NPAT: variants seen among roughly 807,000 people sequenced by gnomAD.
NPAT encodes the protein protein NPAT.
Under a neutral mutation model 130.7 loss-of-function variants are expected in NPAT, and 52 were observed. The ratio of observed to expected loss-of-function variants is 0.40; its 90% CI spans 0.32 to 0.50. The LOEUF (loss-of-function observed/expected upper bound fraction) is 0.50, where lower values mean the gene tolerates loss of function less well. Ranked by LOEUF, NPAT falls within the 20% of genes least tolerant of loss-of-function variation. The pLI, the probability that NPAT is intolerant of heterozygous loss-of-function variation, is 0.68. For synonymous variants in NPAT, 580 were observed against 584.8 expected, an observed-to-expected ratio of 0.99 and a Z score of 0.12; for missense variants, 1,687 against 1,662.6, an observed-to-expected ratio of 1.01 and a Z score of -0.26.
chr11:108,217,845 T>C (rs1004067214), intron 1 of NPAT, among the ~76,000 whole-genome samples: 3 of 152,016 alleles, frequency 2.0e-5, no homozygotes, highest in African/African-American at 4.8e-5. Flanking sequence ...ATACAAAAAT[T>C]AGCCGGGCGT....
intron 1 of NPAT, among the ~76,000 whole-genome samples, chr11:108,198,698 T>C (rs1046014263): frequency 6.6e-6 from 1 of 152,088 alleles, no homozygotes; most frequent in Non-Finnish European, 1.5e-5. Flanking sequence ...TCTGAGCCCA[T>C]AAAAACCTCC....
intron 1 of NPAT, among the ~76,000 whole-genome samples, chr11:108,213,412 T>C (rs2078403100): frequency 6.6e-6 from 1 of 152,150 alleles, no homozygotes; most frequent in Admixed American, 6.5e-5. Context: ...CTAGTTACAA[T>C]AGCATCAAAA....
At position 108,172,777 on chromosome 11, in the gene NPAT, T is replaced by C. The variant is rs538701061; in HGVS notation, c.2207A>G (p.Asn736Ser). 22 of 1,613,718 alleles carry C rather than the reference T, an allele frequency of 1.4e-5. No individual in the cohort carries two copies. The highest frequency in any genetic ancestry group is 2.7e-5 in the African/African-American group (2 of 75,052). ...SNNSAEIDAS[N>S]IVSLKVIISD... ...AATGATAACTTTGAGAGAGACGATA[T>C]TTGATGCATCTATCTCTGCTGAGTT... The change falls in exon 13 of 18, where the codon AAT becomes AGT. Residue 736 changes from asparagine (N) to serine (S), a missense_variant. Physicochemically the swap from Asn to Ser is conservative, Grantham distance 46. Around this residue, in one of 3 missense-constraint regions of NPAT, gnomAD observed 1,379 missense variants for 1,346.6 expected, o/e 1.02. Transcript: ENST00000278612.
In NPAT at chr11:108,169,939, G is replaced by T. The variant is rs780855464; in HGVS notation, c.2890C>A (p.Pro964Thr). The change falls in exon 14 of 18, where the codon CCT (proline) becomes ACT (threonine). Residue 964 changes from proline to threonine, a missense_variant. This residue lies in a region of NPAT where 1,379 missense variants were observed against 1,346.6 expected (regional missense o/e 1.02). Transcript: ENST00000278612. The stretch of plus-strand genomic sequence containing the variant: ...TTCATAAATCTTACCTGCCGAGGAG[G>T]AGTAGAAAAGTTATTTCCATTCTGT... ...VGQNGNNFST[P>T]PRQVLHMPLT... 1 of 1,613,000 alleles carries T rather than the reference G, an allele frequency of 6.2e-7. No homozygotes were observed.
At chr11:108,221,033 G>A (rs1332154202) in intron 1 of NPAT, among the ~76,000 whole-genome samples, 1 of 152,224 alleles carries the variant, frequency 6.6e-6, no homozygotes, top group Non-Finnish European at 1.5e-5. Flanking sequence ...CAGAGTAGCT[G>A]GTTTGTGGAG....
At chr11:108,204,150 T>C (rs2078302177) in intron 1 of NPAT, among the ~76,000 whole-genome samples, 1 of 152,140 alleles carries the variant, frequency 6.6e-6, no homozygotes. Flanking sequence ...GGAGGATTGA[T>C]AGCAGCAAGA....
chr11:108,169,731 T>C lies in NPAT; in HGVS notation c.3010+13A>G. Reference sequence around the variant, plus strand: ...AAACATAAAGTTAACATTAATGAAATTAAAAATGGTACCTATACAAGGCTT... The same window carrying C: ...AAACATAAAGTTAACATTAATGAAACTAAAAATGGTACCTATACAAGGCTT... On this transcript the variant is annotated intron_variant, in intron 15 of 17. Coordinates refer to ENST00000278612, the MANE Select transcript of NPAT (RefSeq NM_002519.3). The C allele has an allele frequency of 5.2e-6, 8 of 1,541,414 alleles. No individual in the cohort carries two copies. Among genetic ancestry groups the C allele is most frequent in the Non-Finnish European group, 7.2e-6 (8 of 1,113,624 alleles).
chr11:108,167,587 C>T (rs1483544241), intron 15 of NPAT, among the ~76,000 whole-genome samples: 6 of 152,114 alleles, frequency 3.9e-5, no homozygotes, highest in Non-Finnish European at 1.5e-5. Context: ...GAAGTATAAT[C>T]AGATGTCAGT....
intron 1 of NPAT, among the ~76,000 whole-genome samples, chr11:108,220,414 G>GT (rs866334170): frequency 1.8e-4 from 28 of 151,944 alleles, no homozygotes; most frequent in Admixed American, 8.5e-4. Flanking sequence ...CCAGAAAAGT[G>GT]TTTTTTTGTG....
At chr11:108,222,403 C>A in intron 1 of NPAT, 97 bp downstream of exon 1, 1 of 1,350,692 alleles carries the variant, frequency 7.4e-7, no homozygotes. Context: ...AGGCAAAACC[C>A]CAAAGCTTCC....
Position 108,192,424 on chromosome 11 carries a change from T to C in NPAT, c.218-234A>G, listed in dbSNP as rs180760204. Reference sequence around the variant, plus strand: ...TAGAAATGGACATCTGTAAAATCTCTGAAGCATTTTTTGGCCAATAATTTT... The same window carrying C: ...TAGAAATGGACATCTGTAAAATCTCCGAAGCATTTTTTGGCCAATAATTTT... On this transcript the variant is annotated intron_variant, in intron 3 of 17. Transcript: ENST00000278612. Among the ~76,000 whole-genome samples the C allele has an allele frequency of 7.0e-3, 1,066 of 152,302 alleles. 21 individuals are homozygous for C. The highest frequency in any genetic ancestry group is 6.1e-3 in the Non-Finnish European group (417 of 68,012).
At position 108,173,087 on chromosome 11, in the gene NPAT, T is replaced by C; in HGVS notation, c.1897A>G (p.Lys633Glu). ...IHLGDSLSST[K>E]QPSNDSASVE... ...GATGCTGAATCATTAGATGGTTGTT[T>C]AGTAGAAGACAGCGAATCTCCAAGA... is the stretch of plus-strand genomic sequence containing the variant. The change falls in exon 13 of 18, where the codon AAA (lysine) becomes GAA (glutamate). Residue 633 changes from lysine (K) to glutamate (E), a missense_variant. By Grantham distance (56) the Lys-to-Glu change is moderately conservative (BLOSUM62 1). Transcript: ENST00000278612. 1 of 1,614,134 alleles carries C rather than the reference T, an allele frequency of 6.2e-7. No homozygotes were observed. Among genetic ancestry groups the C allele is most frequent in the Non-Finnish European group, 8.5e-7 (1 of 1,180,012 alleles).
chr11:108,190,610 A>C, intron 4 of NPAT, 110 bp from the exon 5 acceptor site: 1 of 914,892 alleles, frequency 1.1e-6, no homozygotes, highest in Non-Finnish European at 1.8e-6. Context: ...AAGGCAAAAA[A>C]TCTCTCTCAG....
chr11:108,173,464 A>C lies in NPAT; in HGVS notation c.1520T>G (p.Ile507Arg). ...ESQLQPDQPD[I>R]PITSFVSLGC... is the part of the protein sequence containing the mutation. ...AAGTGAAACAAATGAAGTTATTGGT[A>C]TATCAGGCTGATCAGGCTGTAACTG... The change falls in exon 13 of 18, where the codon ATA (isoleucine) becomes AGA (arginine). Residue 507 changes from isoleucine (I) to arginine (R), a missense_variant. Physicochemically the swap from Ile to Arg is moderately conservative, Grantham distance 97. This residue lies in a region of NPAT where 1,379 missense variants were observed against 1,346.6 expected (regional missense o/e 1.02). Coordinates refer to ENST00000278612, the MANE Select transcript of NPAT (RefSeq NM_002519.3). The C allele has an allele frequency of 6.2e-7, 1 of 1,614,206 alleles. No individual in the cohort carries two copies. The highest frequency in any genetic ancestry group is 8.5e-7 in the Non-Finnish European group (1 of 1,180,030).
intron 1 of NPAT, among the ~76,000 whole-genome samples, chr11:108,206,516 T>A (rs2078326668): frequency 6.6e-6 from 1 of 152,128 alleles, no homozygotes; most frequent in African/African-American, 2.4e-5. Context: ...CATACCACAG[T>A]GGCTTCCACT....
chr11:108,175,450 A>G (rs1230262709), intron 12 of NPAT, among the ~76,000 whole-genome samples: 2 of 152,220 alleles, frequency 1.3e-5, no homozygotes, highest in Non-Finnish European at 2.9e-5. Context: ...TAGAAATTGT[A>G]TAGAGGCCAC....
At chr11:108,201,937 C>T (rs2078278623) in intron 1 of NPAT, among the ~76,000 whole-genome samples, 1 of 152,114 alleles carries the variant, frequency 6.6e-6, no homozygotes, top group South Asian at 2.1e-4. Context: ...AGACTGGACT[C>T]TCTTTACAGA....
chr11:108,210,037 GA>G (rs1192373865), intron 1 of NPAT, among the ~76,000 whole-genome samples: 1 of 150,256 alleles, frequency 6.7e-6, no homozygotes, highest in Non-Finnish European at 1.5e-5. Flanking sequence ...CTAGTTCTCT[GA>G]AAACGTCAAC....
At chr11:108,192,643 C>T (rs1234035331) in intron 3 of NPAT, among the ~76,000 whole-genome samples, 1 of 152,158 alleles carries the variant, frequency 6.6e-6, no homozygotes, top group African/African-American at 2.4e-5. Flanking sequence ...AACAATCTCT[C>T]TCACTGGGTT....
Sources: gnomAD v4.1 joint callset for allele counts (sites outside exome capture counted in the v4.1 genomes callset) on GRCh38, gnomAD v4.1.1 for gene constraint, gnomAD v4.1.1 regional missense constraint, MANE v1.5 for transcripts, NCBI Gene and HGNC (gene_info 2026-07-23, HGNC 2026-07-21) for gene names.